ADAMTSL1: variants seen among roughly 807,000 people sequenced by gnomAD.
ADAMTSL1 encodes the protein ADAMTS like 1, also known as ADAMTS-like protein 1.
Under a neutral mutation model 201.8 loss-of-function variants are expected in ADAMTSL1, and 126 were observed. That is an observed-to-expected ratio of 0.62 (90% confidence interval 0.54 to 0.72). The LOEUF is 0.72. ADAMTSL1 is among the 30% of genes least tolerant of loss of function. The probability of loss-of-function intolerance (pLI) is 0.00; values close to 1 mark genes in which losing one functional copy is unlikely to be tolerated. For missense variants in ADAMTSL1, 2,679 were observed against 2,277.8 expected, an observed-to-expected ratio of 1.18 and a Z score of -3.59; for synonymous variants, 1,121 against 903.4, an observed-to-expected ratio of 1.24 and a Z score of -4.32.
chr9:18,466,591 T>C (rs915586542), intron 2 of ADAMTSL1, among the ~76,000 whole-genome samples: 1 of 152,220 alleles, frequency 6.6e-6, no homozygotes, highest in South Asian at 2.1e-4. Flanking sequence ...CAAAACATAA[T>C]GTTGTACACC....
chr9:18,843,899 C>T (rs563783834), intron 23 of ADAMTSL1, among the ~76,000 whole-genome samples: 43 of 151,834 alleles, frequency 2.8e-4, no homozygotes, highest in Non-Finnish European at 6.0e-4. Context: ...CTCCTTTAAG[C>T]ACTTCTCTGT....
chr9:18,578,277 A>G (rs1822866381), intron 4 of ADAMTSL1, among the ~76,000 whole-genome samples: 1 of 152,152 alleles, frequency 6.6e-6, no homozygotes, highest in South Asian at 2.1e-4. Context: ...GGTTTAATGA[A>G]TATACCTTTT....
chr9:18,354,185 A>G (rs1836107422), intron 2 of ADAMTSL1, among the ~76,000 whole-genome samples: 1 of 151,520 alleles, frequency 6.6e-6, no homozygotes, highest in African/African-American at 2.4e-5. Flanking sequence ...TATTTATATT[A>G]TCTTTTAAAA....
At chr9:18,315,256 C>T (rs993730871) in intron 2 of ADAMTSL1, among the ~76,000 whole-genome samples, 3 of 152,132 alleles carry the variant, frequency 2.0e-5, no homozygotes, top group African/African-American at 7.2e-5. Flanking sequence ...TTACAATCCT[C>T]CAGGTAGACA....
chr9:18,799,553 TG>T (rs1822644021), intron 20 of ADAMTSL1, among the ~76,000 whole-genome samples: 1 of 152,184 alleles, frequency 6.6e-6, no homozygotes, highest in Non-Finnish European at 1.5e-5. Context: ...GAAACATTTT[TG>T]GTTGTTATTG....
At chr9:18,145,018 G>T (rs184446445) in intron 1 of ADAMTSL1, among the ~76,000 whole-genome samples, 1 of 152,202 alleles carries the variant, frequency 6.6e-6, no homozygotes, top group Non-Finnish European at 1.5e-5. Context: ...TGTGGGAGCT[G>T]CTGTGAGAGC....
chr9:18,104,800 A>G (rs1247507686), intron 1 of ADAMTSL1, among the ~76,000 whole-genome samples: 1 of 152,206 alleles, frequency 6.6e-6, no homozygotes, highest in African/African-American at 2.4e-5. Context: ...CAATTCAATC[A>G]TTCAATTATT....
rs759732503 is a variant in ADAMTSL1, at chr9:17,910,990, A to G, written c.87+4068A>G. Among the ~76,000 whole-genome samples the G allele has an allele frequency of 1.6e-4, 11 of 68,134 alleles. 4 individuals carry two copies. Among genetic ancestry groups the G allele is most frequent in the Non-Finnish European group, 4.5e-4 (10 of 22,136 alleles). The allele number at this position is 68,134 out of a possible 152,430, so 44.7% of individuals were successfully genotyped here. A position where few individuals can be genotyped will look rare whatever the true frequency, so the allele number is the denominator to read the frequency against. ...GACCTCCCGTGTAGATACTGTAGCT[A>G]TAGTGAAAGGAGACTGTGCAGTCAA... On this transcript the variant is annotated intron_variant, in intron 1 of 29. Coordinates refer to the ADAMTSL1 transcript ENST00000680146.
chr9:18,309,689 C>A (rs1834042931), intron 2 of ADAMTSL1, among the ~76,000 whole-genome samples: 1 of 151,902 alleles, frequency 6.6e-6, no homozygotes, highest in Non-Finnish European at 1.5e-5. Flanking sequence ...AGAGAGGACA[C>A]AAACAAATAG....
At chr9:18,443,601 T>G (rs1381582173) in intron 2 of ADAMTSL1, among the ~76,000 whole-genome samples, 2 of 152,116 alleles carry the variant, frequency 1.3e-5, no homozygotes, top group African/African-American at 2.4e-5. Context: ...ATGTGGAGAT[T>G]ATAAGAAAGA....
chr9:18,371,313 T>G (rs1476098576), intron 2 of ADAMTSL1, among the ~76,000 whole-genome samples: 2 of 152,192 alleles, frequency 1.3e-5, no homozygotes, highest in Non-Finnish European at 2.9e-5. Context: ...GAATAATACA[T>G]TCTGATAAAA....
intron 2 of ADAMTSL1, among the ~76,000 whole-genome samples, chr9:18,309,832 C>T (rs1834049575): frequency 6.6e-6 from 1 of 150,696 alleles, no homozygotes; most frequent in Non-Finnish European, 1.5e-5. Flanking sequence ...AAAAAAAAAA[C>T]ACTACTTCAA....
At chr9:18,326,652 G>T (rs1834841190) in intron 2 of ADAMTSL1, among the ~76,000 whole-genome samples, 1 of 152,174 alleles carries the variant, frequency 6.6e-6, no homozygotes, top group African/African-American at 2.4e-5. Flanking sequence ...TTCCTCTTGA[G>T]TAATGGATTT....
At chr9:18,620,424 C>T (rs1436093384) in intron 4 of ADAMTSL1, among the ~76,000 whole-genome samples, 10 of 152,056 alleles carry the variant, frequency 6.6e-5, no homozygotes, top group Non-Finnish European at 4.4e-5. Flanking sequence ...CATAGCAGGT[C>T]CTCAATAAAT....
intron 1 of ADAMTSL1, among the ~76,000 whole-genome samples, chr9:17,952,897 T>C (rs1325592375): frequency 6.7e-6 from 1 of 148,336 alleles, no homozygotes; most frequent in African/African-American, 2.5e-5. Flanking sequence ...TGGAAAGCAG[T>C]TTCTCTCTCT....
At chr9:18,466,775 G>A (rs1285668442) in intron 2 of ADAMTSL1, among the ~76,000 whole-genome samples, 2 of 151,910 alleles carry the variant, frequency 1.3e-5, no homozygotes, top group African/African-American at 4.8e-5. Context: ...TTTTAACAGA[G>A]AAACTATTAA....
intron 2 of ADAMTSL1, among the ~76,000 whole-genome samples, chr9:18,346,839 C>T (rs1478499217): frequency 6.6e-6 from 1 of 152,122 alleles, no homozygotes; most frequent in Non-Finnish European, 1.5e-5. Flanking sequence ...CTTCTGAACT[C>T]GAAAGGCTCA....
chr9:18,888,477 G>C (rs1356792781), intron 24 of ADAMTSL1, among the ~76,000 whole-genome samples: 1 of 152,226 alleles, frequency 6.6e-6, no homozygotes, highest in Non-Finnish European at 1.5e-5. Context: ...AGAGTCTTCA[G>C]CTTTAGTCAT....
At chr9:18,511,810 T>G (rs1262216062) in intron 2 of ADAMTSL1, among the ~76,000 whole-genome samples, 1 of 152,172 alleles carries the variant, frequency 6.6e-6, no homozygotes, top group Non-Finnish European at 1.5e-5. Context: ...AAAAGAAAAT[T>G]TTCAATGGTA....
Sources: gnomAD v4.1 joint callset for allele counts (sites outside exome capture counted in the v4.1 genomes callset) on GRCh38, gnomAD v4.1.1 for gene constraint, MANE v1.5 for transcripts, NCBI Gene and HGNC (gene_info 2026-07-23, HGNC 2026-07-21) for gene names.